Variants in FBXL17 observed in about 807,000 individuals in gnomAD.
FBXL17 encodes the protein F-box and leucine rich repeat protein 17, also known as F-box/LRR-repeat protein 17.
Under a neutral mutation model 66.2 loss-of-function variants are expected in FBXL17, and 22 were observed. That is an observed-to-expected ratio of 0.33 (90% CI 0.24 to 0.47). The LOEUF (loss-of-function observed/expected upper bound fraction) is 0.47. FBXL17 is among the 20% of genes least tolerant of loss of function. FBXL17 has a pLI of 1.00. For synonymous variants in FBXL17, 474 were observed against 400.5 expected, an observed-to-expected ratio of 1.18 and a Z score of -2.19; for missense variants, 878 against 948.2, an observed-to-expected ratio of 0.93 and a Z score of 0.97.
At chr5:108,053,954 C>T (rs1747583446) in intron 6 of FBXL17, among the ~76,000 whole-genome samples, 4 of 152,170 alleles carry the variant, frequency 2.6e-5, no homozygotes, top group Admixed American at 2.6e-4. Context: ...AGATCATGTC[C>T]TTGGCAGGGA....
At chr5:108,301,919 T>C in intron 4 of FBXL17, 1 of 495,680 alleles carries the variant, frequency 2.0e-6, no homozygotes, top group Non-Finnish European at 2.6e-6. Context: ...TGTCTCATTC[T>C]TAATGGGAGA....
At chr5:108,297,907 G>C (rs1214658942) in intron 4 of FBXL17, 8 of 955,950 alleles carry the variant, frequency 8.4e-6, no homozygotes, top group Non-Finnish European at 1.0e-5. Context: ...AGCAAAATCA[G>C]AATCCATATA....
At chr5:107,997,191 C>T (rs900556728) in intron 7 of FBXL17, among the ~76,000 whole-genome samples, 11 of 152,112 alleles carry the variant, frequency 7.2e-5, no homozygotes, top group Non-Finnish European at 1.3e-4. Context: ...CTACTGTTTA[C>T]ATTGTATCCT....
At chr5:108,062,737 AT>A (rs1273235111) in intron 6 of FBXL17, among the ~76,000 whole-genome samples, 2 of 152,094 alleles carry the variant, frequency 1.3e-5, no homozygotes, top group East Asian at 3.8e-4. Flanking sequence ...TCTATGGCTT[AT>A]TTTTCTGTCT....
intron 4 of FBXL17, among the ~76,000 whole-genome samples, chr5:108,286,345 C>T (rs1580746910): frequency 6.6e-6 from 1 of 151,990 alleles, no homozygotes; most frequent in Admixed American, 6.6e-5. Context: ...AAGATGAAGT[C>T]AAAACTATCC....
chr5:107,923,325 GT>G (rs1297164877), intron 7 of FBXL17, among the ~76,000 whole-genome samples: 3 of 152,132 alleles, frequency 2.0e-5, no homozygotes, highest in Non-Finnish European at 4.4e-5. Context: ...CTTTCCTCTG[GT>G]GGCCTGTTAT....
At chr5:107,902,410 G>T (rs537611962) in intron 7 of FBXL17, among the ~76,000 whole-genome samples, 1 of 152,230 alleles carries the variant, frequency 6.6e-6, no homozygotes, top group East Asian at 1.9e-4. Context: ...GGTTTTTAAA[G>T]AAATATTTAT....
At chr5:108,261,741 A>G (rs1204471861) in intron 4 of FBXL17, among the ~76,000 whole-genome samples, 1 of 152,072 alleles carries the variant, frequency 6.6e-6, no homozygotes, top group East Asian at 1.9e-4. Context: ...TTAAAAACTA[A>G]CATAAACTAA....
chr5:108,230,929 A>G (rs917397782), intron 4 of FBXL17, among the ~76,000 whole-genome samples: 4 of 142,322 alleles, frequency 2.8e-5, no homozygotes, highest in Non-Finnish European at 6.2e-5. Context: ...CCTGTACTCC[A>G]ATAAGTTATG....
intron 7 of FBXL17, among the ~76,000 whole-genome samples, chr5:107,882,714 T>C (rs138304170): frequency 0.016 from 2,372 of 152,330 alleles, 36 homozygotes; most frequent in Middle Eastern, 0.037. Context: ...TCATCATGAC[T>C]TTCATTGGTT....
At chr5:108,198,559 T>C (rs1255736532) in intron 5 of FBXL17, among the ~76,000 whole-genome samples, 1 of 152,176 alleles carries the variant, frequency 6.6e-6, no homozygotes, top group East Asian at 1.9e-4. Flanking sequence ...ACTTTCCAGG[T>C]GAGAAAAATC....
chr5:107,883,026 A>C (rs1326056087), intron 7 of FBXL17, among the ~76,000 whole-genome samples: 7 of 152,170 alleles, frequency 4.6e-5, no homozygotes, highest in Non-Finnish European at 1.0e-4. Flanking sequence ...CTTTTGACTT[A>C]CTACTATTTA....
chr5:108,360,181 T>C, intron 3 of FBXL17, among the ~76,000 whole-genome samples: 1 of 152,092 alleles, frequency 6.6e-6, no homozygotes, highest in East Asian at 1.9e-4. Flanking sequence ...TTTCATCAGT[T>C]TTCTTTATTC....
At chr5:108,125,746 G>T (rs1161935233) in intron 6 of FBXL17, among the ~76,000 whole-genome samples, 2 of 152,020 alleles carry the variant, frequency 1.3e-5, no homozygotes, top group African/African-American at 4.8e-5. Flanking sequence ...ATAGTTTTGT[G>T]TTGGAGGAGA....
At chr5:108,348,603 T>C (rs567547695) in intron 3 of FBXL17, 73 bp from the exon 4 acceptor site, 21 of 1,502,062 alleles carry the variant, frequency 1.4e-5, no homozygotes, top group African/African-American at 4.2e-5. Flanking sequence ...GATTTTCATA[T>C]AATTTTTTGA....
At chr5:108,059,177 G>T (rs1432215973) in intron 6 of FBXL17, among the ~76,000 whole-genome samples, 1 of 152,150 alleles carries the variant, frequency 6.6e-6, no homozygotes, top group African/African-American at 2.4e-5. Flanking sequence ...TCTGAGTATG[G>T]ACTGCACTGT....
chr5:108,234,455 T>C (rs561622999), intron 4 of FBXL17, among the ~76,000 whole-genome samples: 1 of 152,330 alleles, frequency 6.6e-6, no homozygotes, highest in South Asian at 2.1e-4. Context: ...TTTTAAACAC[T>C]GGCCTTTTAG....
intron 6 of FBXL17, among the ~76,000 whole-genome samples, chr5:108,125,385 T>A (rs1446415293): frequency 6.6e-6 from 1 of 151,948 alleles, no homozygotes; most frequent in Admixed American, 6.6e-5. Context: ...TAAAGCTACA[T>A]AAAAATAAAC....
intron 5 of FBXL17, among the ~76,000 whole-genome samples, chr5:108,187,976 G>A (rs1227867966): frequency 3.3e-5 from 5 of 152,182 alleles, no homozygotes; most frequent in Non-Finnish European, 7.3e-5. Flanking sequence ...CTAATCACTT[G>A]TACCTACTGA....
Sources: allele counts gnomAD v4.1 joint callset (sites outside exome capture counted in the v4.1 genomes callset), GRCh38; gene constraint gnomAD v4.1.1; transcripts MANE v1.5; gene names NCBI Gene and HGNC (gene_info 2026-07-23, HGNC 2026-07-21).